MRTFB: variants seen among roughly 807,000 people sequenced by gnomAD.
MRTFB encodes myocardin related transcription factor B, also known as myocardin-related transcription factor B.
A neutral mutation model predicts 104.2 loss-of-function variants in MRTFB; 29 were observed. The ratio of observed to expected loss-of-function variants is 0.28; its 90% CI spans 0.21 to 0.38. The LOEUF (loss-of-function observed/expected upper bound fraction) is 0.38. Ranked by LOEUF, MRTFB falls within the 10% of genes least tolerant of loss-of-function variation. The pLI, the probability that MRTFB is intolerant of heterozygous loss-of-function variation, is 1.00. For synonymous variants in MRTFB, 535 were observed against 519.5 expected (o/e 1.03, Z -0.41); for missense variants, 1,270 against 1,341.6 (o/e 0.95, Z 0.83).
chr16:14,168,053 G>A (rs926500204), intron 3 of MRTFB, among the ~76,000 whole-genome samples: 8 of 152,128 alleles, frequency 5.3e-5, no homozygotes, highest in Non-Finnish European at 1.5e-5. Context: ...TTCTGCATAT[G>A]GCTAGCCAGT....
intron 11 of MRTFB, among the ~76,000 whole-genome samples, chr16:14,246,087 A>T (rs1229418220): frequency 3.9e-5 from 6 of 152,152 alleles, no homozygotes; most frequent in Non-Finnish European, 7.4e-5. Context: ...CGATCTGTAA[A>T]ATGGGAAGAA....
intron 10 of MRTFB, among the ~76,000 whole-genome samples, chr16:14,244,278 C>T (rs943287592): frequency 3.3e-5 from 5 of 152,112 alleles, no homozygotes; most frequent in African/African-American, 1.2e-4. Flanking sequence ...CATAATTTAG[C>T]CATCCAGCTT....
intron 2 of MRTFB, among the ~76,000 whole-genome samples, chr16:14,089,458 T>A (rs763307487): frequency 1.3e-5 from 2 of 152,220 alleles, no homozygotes; most frequent in Non-Finnish European, 2.9e-5. Context: ...TATCAGAACT[T>A]CATTCCTTTT....
the MRTFB span, among the ~76,000 whole-genome samples, chr16:14,022,032 G>A: frequency 6.6e-6 from 1 of 152,296 alleles, no homozygotes; most frequent in East Asian, 1.9e-4. Flanking sequence ...TCCAGCCAGA[G>A]AAAGTTCTCT....
chr16:14,198,389 G>C (rs1353065822), intron 3 of MRTFB, among the ~76,000 whole-genome samples: 1 of 152,188 alleles, frequency 6.6e-6, no homozygotes, highest in Non-Finnish European at 1.5e-5. Flanking sequence ...ATTATATTCA[G>C]TTTAGAAAAG....
the MRTFB span, among the ~76,000 whole-genome samples, chr16:14,062,036 G>A: frequency 6.6e-6 from 1 of 152,096 alleles, no homozygotes; most frequent in African/African-American, 2.4e-5. Flanking sequence ...TGGGTCTGGG[G>A]TCAGTCCAGC....
intron 3 of MRTFB, among the ~76,000 whole-genome samples, chr16:14,184,502 G>A (rs770417211): frequency 7.2e-5 from 11 of 152,082 alleles, no homozygotes; most frequent in Non-Finnish European, 1.2e-4. Context: ...GATTATAGGC[G>A]TGACCCACCA....
chr16:14,245,478 A>G, intron 10 of MRTFB, 50 bp from the exon 11 acceptor site: 1 of 1,523,872 alleles, frequency 6.6e-7, no homozygotes, highest in Non-Finnish European at 8.9e-7. Flanking sequence ...AGCAATGTCA[A>G]ATCTAGAAAT....
chr16:14,081,378 C>T (rs2034389413), intron 2 of MRTFB, among the ~76,000 whole-genome samples: 1 of 151,240 alleles, frequency 6.6e-6, no homozygotes, highest in South Asian at 2.1e-4. Context: ...CTGCAACCTC[C>T]GCCTCCCGGA....
chr16:14,050,580 T>A, the MRTFB span, among the ~76,000 whole-genome samples: 1 of 152,074 alleles, frequency 6.6e-6, no homozygotes, highest in Admixed American at 6.6e-5. Context: ...TAGCAAGAAC[T>A]CCATCTCTAA....
chr16:14,020,706 A>G, the MRTFB span, among the ~76,000 whole-genome samples: 2 of 152,166 alleles, frequency 1.3e-5, no homozygotes, highest in Non-Finnish European at 2.9e-5. Context: ...TCCAGATGAA[A>G]TTATAATGGA....
At chr16:14,173,544 C>A (rs190536868) in intron 3 of MRTFB, among the ~76,000 whole-genome samples, 1 of 151,864 alleles carries the variant, frequency 6.6e-6, no homozygotes, top group East Asian at 1.9e-4. Flanking sequence ...TTGAATTTGC[C>A]CTACTTGAAG....
At chr16:14,056,713 G>A in the MRTFB span, among the ~76,000 whole-genome samples, 3 of 152,184 alleles carry the variant, frequency 2.0e-5, no homozygotes, top group Non-Finnish European at 4.4e-5. Context: ...TTCAGAGCTT[G>A]AGAATATATT....
the MRTFB span, among the ~76,000 whole-genome samples, chr16:14,060,922 A>G: frequency 0.2 from 30,166 of 152,036 alleles, 6,867 homozygotes; most frequent in African/African-American, 0.55. Context: ...CAAGGTGGGC[A>G]GATCAGGAGG....
the MRTFB span, among the ~76,000 whole-genome samples, chr16:14,032,195 T>C: frequency 3.3e-5 from 5 of 152,156 alleles, no homozygotes; most frequent in African/African-American, 1.2e-4. Context: ...TGTGATTAGA[T>C]ATTTGGAGCT....
chr16:14,121,386 GA>G, intron 2 of MRTFB, among the ~76,000 whole-genome samples: 1 of 152,252 alleles, frequency 6.6e-6, no homozygotes, highest in South Asian at 2.1e-4. Flanking sequence ...CTTCTGCTGA[GA>G]ATGAGTAACA....
At chr16:14,132,919 T>C (rs2037510694) in intron 2 of MRTFB, among the ~76,000 whole-genome samples, 1 of 152,338 alleles carries the variant, frequency 6.6e-6, no homozygotes, top group South Asian at 2.1e-4. Flanking sequence ...TTCCTAAATC[T>C]GTTTATGCCA....
At chr16:14,049,713 T>A in the MRTFB span, among the ~76,000 whole-genome samples, 1 of 152,218 alleles carries the variant, frequency 6.6e-6, no homozygotes, top group Admixed American at 6.5e-5. Flanking sequence ...GAATGTCCTG[T>A]TCTTAGGAGA....
At chr16:14,035,300 G>T in the MRTFB span, among the ~76,000 whole-genome samples, 2 of 152,166 alleles carry the variant, frequency 1.3e-5, no homozygotes, top group African/African-American at 4.8e-5. Flanking sequence ...CCAGGAGGTG[G>T]CAGGTCACCA....
Sources: gnomAD v4.1 joint callset for allele counts (sites outside exome capture counted in the v4.1 genomes callset) on GRCh38, gnomAD v4.1.1 for gene constraint, MANE v1.5 for transcripts, NCBI Gene and HGNC (gene_info 2026-07-23, HGNC 2026-07-21) for gene names.